PIP4K2A: variants seen among roughly 807,000 people sequenced by gnomAD.
The protein encoded by PIP4K2A is phosphatidylinositol-5-phosphate 4-kinase type 2 alpha, also known as phosphatidylinositol 5-phosphate 4-kinase type-2 alpha.
Under a neutral mutation model 42.9 loss-of-function variants are expected in PIP4K2A, and 14 were observed. That is an observed-to-expected ratio of 0.33 (90% CI 0.22 to 0.51). The LOEUF (loss-of-function observed/expected upper bound fraction) is 0.51. Ranked by LOEUF, PIP4K2A falls within the 20% of genes least tolerant of loss-of-function variation. The pLI is 0.97. For synonymous variants in PIP4K2A, 192 were observed against 192.2 expected, an observed-to-expected ratio of 1.00 and a Z score of 0.01; for missense variants, 434 against 519.8, an observed-to-expected ratio of 0.83 and a Z score of 1.61.
intron 5 of PIP4K2A, 134 bp downstream of exon 5, chr10:22,573,177 G>A (rs918554866): frequency 3.7e-5 from 28 of 746,890 alleles, no homozygotes; most frequent in African/African-American, 1.0e-4. Flanking sequence ...TCACAGGAAG[G>A]AATACACTGC....
At chr10:22,682,082 C>A (rs1839673641) in intron 1 of PIP4K2A, among the ~76,000 whole-genome samples, 1 of 152,176 alleles carries the variant, frequency 6.6e-6, no homozygotes, top group Non-Finnish European at 1.5e-5. Flanking sequence ...GCCCACAAGC[C>A]ATAGTCTGCC....
chr10:22,549,871 A>AGG (rs1836358431), intron 7 of PIP4K2A, among the ~76,000 whole-genome samples: 1 of 110,252 alleles, frequency 9.1e-6, no homozygotes, highest in Non-Finnish European at 1.9e-5. Context: ...AAAAAAAAAA[A>AGG]AAAGAAAGGA....
At chr10:22,636,551 G>A (rs912473074) in intron 1 of PIP4K2A, among the ~76,000 whole-genome samples, 3 of 152,176 alleles carry the variant, frequency 2.0e-5, no homozygotes, top group African/African-American at 4.8e-5. Context: ...GGCATGAGCT[G>A]CCATACACAG....
At chr10:22,545,560 C>T (rs1439445022) in intron 7 of PIP4K2A, among the ~76,000 whole-genome samples, 1 of 152,220 alleles carries the variant, frequency 6.6e-6, no homozygotes. Flanking sequence ...CTGTCGTCTT[C>T]CAGTGAGGAA....
intron 1 of PIP4K2A, among the ~76,000 whole-genome samples, chr10:22,622,192 G>A (rs1296675545): frequency 2.6e-5 from 4 of 152,212 alleles, no homozygotes. Flanking sequence ...GTAGAGGATT[G>A]TTAGCAGACA....
At position 22,611,874 on chromosome 10, in the gene PIP4K2A, C is replaced by T. The variant is rs1019346606; in HGVS notation, c.145-2157G>A. Among the ~76,000 whole-genome samples, 8 of 152,260 alleles carry T rather than the reference C, an allele frequency of 5.3e-5. 1 individual carries two copies. The highest frequency in any genetic ancestry group is 4.1e-4 in the South Asian group (2 of 4,820). On this transcript the variant is annotated intron_variant, in intron 1 of 9. Transcript: ENST00000376573. Reference sequence around the variant, plus strand: ...CGATATCTTGTGGAACAAGAGAAAGCGAAACCCAACGTGGAGGTGGGATCA... The same window carrying T: ...CGATATCTTGTGGAACAAGAGAAAGTGAAACCCAACGTGGAGGTGGGATCA...
At chr10:22,613,357 G>C (rs111268552) in intron 1 of PIP4K2A, among the ~76,000 whole-genome samples, 1,893 of 152,254 alleles carry the variant, frequency 0.012, 54 homozygotes, top group African/African-American at 0.044. Context: ...ACCTGACAGA[G>C]AAGGGACATT....
At chr10:22,689,606 C>T (rs564661295) in intron 1 of PIP4K2A, among the ~76,000 whole-genome samples, 1 of 152,266 alleles carries the variant, frequency 6.6e-6, no homozygotes, top group East Asian at 1.9e-4. Flanking sequence ...GTATCAGGGA[C>T]TTGAGCATCT....
At chr10:22,567,921 C>G (rs756560269) in intron 5 of PIP4K2A, 32 bp from the exon 6 acceptor site, 1 of 1,599,146 alleles carries the variant, frequency 6.3e-7, no homozygotes, top group Non-Finnish European at 8.6e-7. Flanking sequence ...AAAACATGCG[C>G]ATGGGAGGCA....
chr10:22,534,947 A>T lies in PIP4K2A; in HGVS notation c.*2254T>A, dbSNP rs192578811. 2.6e-5 allele frequency: 4 copies of T among 152,336 alleles called. No homozygotes were observed. Among genetic ancestry groups the T allele is most frequent in the Admixed American group, 2.6e-4 (4 of 15,304 alleles). The allele number at this position is 152,336 out of a possible 1,614,324, so 9.4% of individuals were successfully genotyped here. On this transcript the variant is annotated 3_prime_UTR_variant, in exon 10 of 10. Coordinates refer to ENST00000376573, the MANE Select transcript of PIP4K2A (RefSeq NM_005028.5). ...TTTGGAACAGAGACACACAATTGGG[A>T]CAGAGGAAAAAAGGATTCATCTTGT...
intron 1 of PIP4K2A, among the ~76,000 whole-genome samples, chr10:22,644,714 A>T (rs1281593117): frequency 6.6e-6 from 1 of 152,218 alleles, no homozygotes; most frequent in Non-Finnish European, 1.5e-5. Context: ...TCCGCCTCCT[A>T]GAATGTAAGA....
Position 22,588,300 on chromosome 10 carries a change from T to G in PIP4K2A, c.492+3329A>C, listed in dbSNP as rs118028715. The stretch of plus-strand genomic sequence containing the variant: ...CTATACGGACAATTTTTTTTTAAGT[T>G]CTCTAACATTCTTGTATGTTTCTCA... On this transcript the variant is annotated intron_variant, in intron 4 of 9. Transcript: ENST00000376573. Among the ~76,000 whole-genome samples the G allele has an allele frequency of 4.3e-3, 651 of 151,468 alleles. 1 individual carries two copies. Among genetic ancestry groups the G allele is most frequent in the Non-Finnish European group, 7.4e-3 (506 of 68,012 alleles).
At chr10:22,600,038 A>G (rs1176598961) in intron 3 of PIP4K2A, among the ~76,000 whole-genome samples, 1 of 152,198 alleles carries the variant, frequency 6.6e-6, no homozygotes, top group African/African-American at 2.4e-5. Flanking sequence ...AAGGAAACAT[A>G]AATGTCAATT....
intron 5 of PIP4K2A, among the ~76,000 whole-genome samples, chr10:22,572,253 C>T (rs1837007849): frequency 6.6e-6 from 1 of 152,176 alleles, no homozygotes; most frequent in Non-Finnish European, 1.5e-5. Flanking sequence ...TCTGCCATTA[C>T]AGTGCAAAAG....
intron 1 of PIP4K2A, among the ~76,000 whole-genome samples, chr10:22,614,186 AG>A (rs1295863650): frequency 2.0e-5 from 3 of 152,226 alleles, no homozygotes. Context: ...TTCCAAAACC[AG>A]ACTACCCCAA....
intron 1 of PIP4K2A, among the ~76,000 whole-genome samples, chr10:22,661,527 TA>T (rs1839205661): frequency 6.6e-6 from 1 of 151,916 alleles, no homozygotes; most frequent in Admixed American, 6.6e-5. Flanking sequence ...GGCTAAGTTT[TA>T]AAAAAAATTT....
chr10:22,633,970 G>T (rs1838608335), intron 1 of PIP4K2A, among the ~76,000 whole-genome samples: 1 of 152,240 alleles, frequency 6.6e-6, no homozygotes, highest in African/African-American at 2.4e-5. Flanking sequence ...CACTGTCATT[G>T]TCATCACTGT....
At chr10:22,540,291 G>GAAAC (rs1051624499) in intron 8 of PIP4K2A, among the ~76,000 whole-genome samples, 49 of 151,814 alleles carry the variant, frequency 3.2e-4, no homozygotes, top group African/African-American at 1.1e-3. Flanking sequence ...AATTTAAAAA[G>GAAAC]AAACAACCCT....
intron 1 of PIP4K2A, among the ~76,000 whole-genome samples, chr10:22,686,938 G>A (rs939431611): frequency 7.2e-5 from 11 of 152,148 alleles, no homozygotes; most frequent in African/African-American, 2.4e-4. Flanking sequence ...GAGGTATTCC[G>A]CAGCTGAAGA....
Sources: gnomAD v4.1 joint callset for allele counts (sites outside exome capture counted in the v4.1 genomes callset) on GRCh38, gnomAD v4.1.1 for gene constraint, MANE v1.5 for transcripts, NCBI Gene and HGNC (gene_info 2026-07-23, HGNC 2026-07-21) for gene names.